TAFA2: variants seen among roughly 807,000 people sequenced by gnomAD.
TAFA2 encodes the protein TAFA chemokine like family member 2.
TAFA2 carries 7 observed loss-of-function variants against 18.8 expected under a neutral mutation model. That is an observed-to-expected ratio of 0.37 (90% confidence interval 0.21 to 0.70). The LOEUF is 0.70. Ranked by LOEUF, TAFA2 falls within the 30% of genes least tolerant of loss-of-function variation. The pLI is 0.53. For missense variants in TAFA2, 122 were observed against 158.1 expected, an observed-to-expected ratio of 0.77 and a Z score of 1.23; for synonymous variants, 60 against 54.2, an observed-to-expected ratio of 1.11 and a Z score of -0.47.
intron 4 of TAFA2, among the ~76,000 whole-genome samples, chr12:61,731,231 C>A (rs1313888075): frequency 6.6e-6 from 1 of 152,080 alleles, no homozygotes; most frequent in African/African-American, 2.4e-5. Flanking sequence ...ACAAGATGGA[C>A]TTTACCCCTC....
At chr12:61,756,836 A>G (rs555970224) in intron 2 of TAFA2, among the ~76,000 whole-genome samples, 42 of 152,224 alleles carry the variant, frequency 2.8e-4, no homozygotes, top group African/African-American at 9.4e-4. Flanking sequence ...AGTCTCTAAT[A>G]TGAAGATCTA....
intron 2 of TAFA2, among the ~76,000 whole-genome samples, chr12:61,836,732 G>GATATATATGTAT (rs58543429): frequency 7.1e-5 from 8 of 112,788 alleles, no homozygotes; most frequent in African/African-American, 2.1e-4. Flanking sequence ...TTGCCAATTT[G>GATATATATGTAT]ATATATATAT....
rs537913264 is a variant in TAFA2, at chr12:62,079,955, C to G, written c.-2+111304G>C. Among the ~76,000 whole-genome samples the G allele has an allele frequency of 3.9e-5, 6 of 152,274 alleles. No homozygotes were observed. The South Asian group carries it at 6.2e-4, about 16-fold the overall frequency. ...CAGTTCTACAGGTCAGAATTTCAGG[C>G]ACAAAGAGACTGGTTTCTCTGCTCA... On this transcript the variant is annotated intron_variant, in intron 1 of 4. Coordinates refer to ENST00000416284, the MANE Select transcript of TAFA2 (RefSeq NM_178539.5).
chr12:62,127,718 G>A (rs1009563343), intron 1 of TAFA2, among the ~76,000 whole-genome samples: 4 of 151,894 alleles, frequency 2.6e-5, no homozygotes, highest in African/African-American at 7.3e-5. Context: ...GCTAAAATGT[G>A]TCTCTGCCAC....
chr12:61,941,543 G>T (rs189953906), intron 1 of TAFA2, among the ~76,000 whole-genome samples: 1 of 152,118 alleles, frequency 6.6e-6, no homozygotes, highest in Non-Finnish European at 1.5e-5. Flanking sequence ...CTGAGGTACC[G>T]GGTTCATCTC....
intron 4 of TAFA2, among the ~76,000 whole-genome samples, 171 bp from the exon 5 acceptor site, chr12:61,710,588 AT>A (rs1869352850): frequency 6.6e-6 from 1 of 152,168 alleles, no homozygotes. Context: ...ATATAAAAAT[AT>A]ACTTTTTTTC....
intron 1 of TAFA2, among the ~76,000 whole-genome samples, chr12:62,089,573 G>A (rs1422676675): frequency 2.6e-5 from 4 of 151,884 alleles, no homozygotes; most frequent in Non-Finnish European, 4.4e-5. Flanking sequence ...TGAGAGAAAG[G>A]GAGCGAGCGA....
At chr12:62,251,005 G>A (rs761872184) in intron 1 of TAFA2, among the ~76,000 whole-genome samples, 8 of 132,656 alleles carry the variant, frequency 6.0e-5, no homozygotes, top group African/African-American at 1.8e-4. Context: ...GGAAATATGC[G>A]TATATTGTTG....
At chr12:61,921,669 T>A (rs1877061501) in intron 1 of TAFA2, among the ~76,000 whole-genome samples, 1 of 152,106 alleles carries the variant, frequency 6.6e-6, no homozygotes, top group African/African-American at 2.4e-5. Flanking sequence ...AATTGTTCAA[T>A]AAAGTAACTG....
chr12:61,710,429 G>C lies in TAFA2; in HGVS notation c.385-12C>G. The C allele has an allele frequency of 1.3e-6, 2 of 1,599,670 alleles. No homozygotes were observed. Among genetic ancestry groups the C allele is most frequent in the Non-Finnish European group, 1.7e-6 (2 of 1,167,524 alleles). On this transcript the variant is annotated splice_polypyrimidine_tract_variant and intron_variant, in intron 4 of 4. Coordinates refer to ENST00000416284, the MANE Select transcript of TAFA2 (RefSeq NM_178539.5). ...GGTTAATGGGTTACCTACAAAGGAAGGAGAAAATATAGTCAACATTTCATA... is the reference window on the plus strand; with the variant it reads ...GGTTAATGGGTTACCTACAAAGGAACGAGAAAATATAGTCAACATTTCATA...
At chr12:62,013,661 T>C (rs17705009) in intron 1 of TAFA2, among the ~76,000 whole-genome samples, 19,961 of 152,222 alleles carry the variant, frequency 0.13, 1,669 homozygotes, top group Non-Finnish European at 0.19. Flanking sequence ...ACAGAATCAT[T>C]TAATGAACTG....
chr12:62,038,970 G>T (rs1046771969), intron 1 of TAFA2, among the ~76,000 whole-genome samples: 1 of 152,074 alleles, frequency 6.6e-6, no homozygotes, highest in Non-Finnish European at 1.5e-5. Flanking sequence ...TGACCTGATA[G>T]CTCATTACTG....
chr12:61,825,710 A>T (rs1472123019), intron 2 of TAFA2, among the ~76,000 whole-genome samples: 2 of 152,146 alleles, frequency 1.3e-5, no homozygotes, highest in Non-Finnish European at 2.9e-5. Context: ...ACTACAAGTC[A>T]AAAGAGGAGC....
rs1008279599 is a variant in TAFA2 at position 62,086,200 on chromosome 12, A to AC, written c.-2+105058_-2+105059insG. On this transcript the variant is annotated intron_variant, in intron 1 of 4. Coordinates refer to ENST00000416284, the MANE Select transcript of TAFA2 (RefSeq NM_178539.5). ...AAAACAAAACAAAACAAAAACAAAA[A>AC]AAAAAACAGGAAAAAGCATCATGAC... Among the ~76,000 whole-genome samples, 54 of 145,602 alleles carry AC rather than the reference A, an allele frequency of 3.7e-4. No individual in the cohort carries two copies. In the South Asian group the frequency reaches 4.1e-3, roughly 11 times the overall value.
chr12:62,068,228 T>C (rs117221242), intron 1 of TAFA2, among the ~76,000 whole-genome samples: 1,936 of 152,238 alleles, frequency 0.013, 34 homozygotes, highest in Non-Finnish European at 0.016. Flanking sequence ...AATGTTCTTA[T>C]AGATATGAAA....
intron 1 of TAFA2, among the ~76,000 whole-genome samples, chr12:62,228,399 C>T (rs757887369): frequency 1.3e-5 from 2 of 152,092 alleles, no homozygotes; most frequent in Non-Finnish European, 2.9e-5. Context: ...TGGGTATATA[C>T]CTAGTAATGG....
At chr12:62,106,022 T>TA (rs549274748) in intron 1 of TAFA2, among the ~76,000 whole-genome samples, 1 of 152,104 alleles carries the variant, frequency 6.6e-6, no homozygotes, top group South Asian at 2.1e-4. Context: ...AGTGCTACGG[T>TA]AAAAAGAAAT....
intron 2 of TAFA2, among the ~76,000 whole-genome samples, chr12:61,774,667 G>A (rs1870179017): frequency 6.6e-6 from 1 of 151,680 alleles, no homozygotes; most frequent in Non-Finnish European, 1.5e-5. Flanking sequence ...GGGATTCGGG[G>A]GAAAGAGTGG....
chr12:62,109,103 A>G (rs1869602690), intron 1 of TAFA2, among the ~76,000 whole-genome samples: 1 of 152,092 alleles, frequency 6.6e-6, no homozygotes, highest in South Asian at 2.1e-4. Context: ...TAGGATTTTT[A>G]TGGTTTTAGG....
Sources: gnomAD v4.1 joint callset for allele counts (sites outside exome capture counted in the v4.1 genomes callset) on GRCh38, gnomAD v4.1.1 for gene constraint, MANE v1.5 for transcripts, NCBI Gene and HGNC (gene_info 2026-07-23, HGNC 2026-07-21) for gene names.